SDK1: variants seen among roughly 807,000 people sequenced by gnomAD.
The protein encoded by SDK1 is sidekick cell adhesion molecule 1.
In SDK1, 157 loss-of-function variants were observed where a neutral mutation model predicts 245.5. The observed-to-expected ratio is 0.64, with a 90% CI of 0.56 to 0.73. The LOEUF (loss-of-function observed/expected upper bound fraction) is 0.73. Ranked by LOEUF, SDK1 falls within the 30% of genes least tolerant of loss-of-function variation. The probability of loss-of-function intolerance (pLI) is 0.00; values close to 1 mark genes in which losing one functional copy is unlikely to be tolerated. For missense variants in SDK1, 3,583 were observed against 3,002.3 expected (o/e 1.19, Z -4.52); for synonymous variants, 1,647 against 1,278.5 (o/e 1.29, Z -6.15).
chr7:4,205,988 C>A lies in SDK1; in HGVS notation c.5208C>A (p.Gly1736=). Residue 1736 remains glycine, a synonymous_variant, in exon 36 of 45, where the codon GGC becomes GGA. Coordinates refer to ENST00000404826, the MANE Select transcript of SDK1 (RefSeq NM_152744.4). ...PPESQNGNIQ[G]YKIYYWEADS... Reference sequence around the variant, plus strand: ...AGAGCCAGAATGGGAACATCCAAGGCTACAAGGCAAGGCCCTCCCGTGCGG... The same window carrying A: ...AGAGCCAGAATGGGAACATCCAAGGATACAAGGCAAGGCCCTCCCGTGCGG... 1 of 1,544,084 alleles carries A rather than the reference C, an allele frequency of 6.5e-7. No individual in the cohort carries two copies. Among genetic ancestry groups the A allele is most frequent in the South Asian group, 1.2e-5 (1 of 82,430 alleles).
intron 1 of SDK1, among the ~76,000 whole-genome samples, chr7:3,418,917 A>G (rs1028964831): frequency 7.2e-5 from 11 of 152,194 alleles, no homozygotes; most frequent in Non-Finnish European, 2.9e-5. Flanking sequence ...GTATATGTAA[A>G]AAGAGGGTAT....
rs114855817 is a variant in SDK1, at chr7:3,979,331, G to C, written c.1994+4786G>C. 1.9e-3 allele frequency among the ~76,000 whole-genome samples: 290 copies of C among 152,264 alleles called. 2 individuals carry two copies. The highest frequency in any genetic ancestry group is 6.8e-3 in the African/African-American group (282 of 41,546). On this transcript the variant is annotated intron_variant, in intron 13 of 44. Transcript: ENST00000404826. ...TCTTACCATCTTATACTAGAATGCT[G>C]TTCCCCCCTTTCCTAACAGCACCCT...
chr7:4,007,157 G>A (rs1221764606), intron 14 of SDK1, among the ~76,000 whole-genome samples: 1 of 152,242 alleles, frequency 6.6e-6, no homozygotes, highest in African/African-American at 2.4e-5. Flanking sequence ...TGAGGGAAAA[G>A]ATGGCGTTCC....
intron 7 of SDK1, among the ~76,000 whole-genome samples, chr7:3,954,186 C>T (rs960229776): frequency 6.6e-6 from 1 of 151,062 alleles, no homozygotes; most frequent in Non-Finnish European, 1.5e-5. Context: ...TTCCAGGCAC[C>T]ACCCCGCCAC....
At chr7:3,505,331 CA>C (rs1782359835) in intron 1 of SDK1, among the ~76,000 whole-genome samples, 1 of 152,128 alleles carries the variant, frequency 6.6e-6, no homozygotes, top group Non-Finnish European at 1.5e-5. Flanking sequence ...ACTGCAGCCT[CA>C]AACCCCTTGG....
At chr7:3,658,385 C>T (rs1416436418) in intron 4 of SDK1, among the ~76,000 whole-genome samples, 1 of 152,002 alleles carries the variant, frequency 6.6e-6, no homozygotes, top group African/African-American at 2.4e-5. Flanking sequence ...GTGCTAGGCT[C>T]TGCGGATAAA....
intron 21 of SDK1, 55 bp downstream of exon 21, chr7:4,077,244 G>A (rs936277400): frequency 1.2e-5 from 19 of 1,538,254 alleles, no homozygotes; most frequent in African/African-American, 5.4e-5. Flanking sequence ...GGAGATTCCC[G>A]AGGCTAGAAG....
chr7:3,431,409 AT>A (rs1489698221), intron 1 of SDK1, among the ~76,000 whole-genome samples: 7 of 148,726 alleles, frequency 4.7e-5, no homozygotes, highest in Non-Finnish European at 8.9e-5. Flanking sequence ...CTTAGCCAGA[AT>A]CCTAATAGCC....
chr7:4,107,761 C>G (rs1456947722), intron 22 of SDK1, among the ~76,000 whole-genome samples: 1 of 152,206 alleles, frequency 6.6e-6, no homozygotes, highest in Non-Finnish European at 1.5e-5. Context: ...GAGACATTGC[C>G]CAGGCAGCCG....
chr7:4,159,315 G>T (rs1322209229), intron 31 of SDK1, among the ~76,000 whole-genome samples: 1 of 152,218 alleles, frequency 6.6e-6, no homozygotes, highest in Non-Finnish European at 1.5e-5. Flanking sequence ...ACCTGGAAGT[G>T]TGGTTTCTCC....
In SDK1 at chr7:3,651,242, G is replaced by C. The variant is rs1783006198; in HGVS notation, c.713+9137G>C. Among the ~76,000 whole-genome samples, 4 of 151,082 alleles carry C rather than the reference G, an allele frequency of 2.6e-5. No individual in the cohort carries two copies. In the South Asian group the frequency reaches 8.4e-4, roughly 32 times the overall value. On this transcript the variant is annotated intron_variant, in intron 4 of 44. Transcript: ENST00000404826. Reference sequence around the variant, plus strand: ...TTTCCCTGCTTCCTCACTAGCATTTGGTGTTGTCATGATTTTTTATTTTAG... The same window carrying C: ...TTTCCCTGCTTCCTCACTAGCATTTCGTGTTGTCATGATTTTTTATTTTAG...
chr7:3,329,332 T>C (rs1020644184), intron 1 of SDK1, among the ~76,000 whole-genome samples: 1 of 152,150 alleles, frequency 6.6e-6, no homozygotes, highest in Non-Finnish European at 1.5e-5. Flanking sequence ...GGAAACAAGC[T>C]CCTTTTTCAC....
chr7:3,385,071 C>G (rs1233219845), intron 1 of SDK1, among the ~76,000 whole-genome samples: 2 of 152,066 alleles, frequency 1.3e-5, no homozygotes, highest in African/African-American at 4.8e-5. Flanking sequence ...AGTACTGTTT[C>G]AATATTAAGT....
At chr7:3,679,186 T>C (rs1742691134) in intron 4 of SDK1, among the ~76,000 whole-genome samples, 1 of 152,222 alleles carries the variant, frequency 6.6e-6, no homozygotes, top group Admixed American at 6.5e-5. Context: ...GGGGAAAATA[T>C]TTGCCAGCCA....
At chr7:3,805,931 C>G (rs1779230676) in intron 4 of SDK1, among the ~76,000 whole-genome samples, 1 of 152,160 alleles carries the variant, frequency 6.6e-6, no homozygotes, top group African/African-American at 2.4e-5. Flanking sequence ...TTTGCCCCCT[C>G]TTCTTCCTTT....
chr7:4,045,074 T>C (rs1368501288), intron 17 of SDK1, among the ~76,000 whole-genome samples: 1 of 152,178 alleles, frequency 6.6e-6, no homozygotes, highest in South Asian at 2.1e-4. Flanking sequence ...GCATTTGAGA[T>C]TCACCTGTGC....
At position 3,723,863 on chromosome 7, in the gene SDK1, CGT is replaced by C. The variant is rs1244679719; in HGVS notation, c.713+81761_713+81762del. ...ATATACACGTACATATACATATACA[CGT>C]GTATATACACGTACATATATATATA... On this transcript the variant is annotated intron_variant, in intron 4 of 44. Coordinates refer to ENST00000404826, the MANE Select transcript of SDK1 (RefSeq NM_152744.4). Among the ~76,000 whole-genome samples the C allele has an allele frequency of 7.8e-3, 1,037 of 132,602 alleles. 42 individuals are homozygous for C. Among genetic ancestry groups the C allele is most frequent in the African/African-American group, 0.031 (981 of 32,020 alleles). The allele number at this position is 132,602 out of a possible 152,430, so 87.0% of individuals were successfully genotyped here.
rs897456870 is a variant in SDK1, at chr7:3,546,086, C to T, written c.299-72994C>T. ...CGTTGGGATGCAAAACAGTGGTTCT[C>T]AAGCTTCAGAGTGCCTCAGGGTTGC... On this transcript the variant is annotated intron_variant, in intron 1 of 44. Transcript: ENST00000404826. Among the ~76,000 whole-genome samples, 6 of 152,192 alleles carry T rather than the reference C, an allele frequency of 3.9e-5. No individual in the cohort carries two copies. In the South Asian group the frequency reaches 8.3e-4, roughly 21 times the overall value.
intron 35 of SDK1, among the ~76,000 whole-genome samples, chr7:4,202,382 A>G (rs1055310257): frequency 6.6e-6 from 1 of 152,152 alleles, no homozygotes; most frequent in Non-Finnish European, 1.5e-5. Context: ...CTCTTCTGCT[A>G]CCTGCCATTT....
Sources: gnomAD v4.1 joint callset for allele counts (sites outside exome capture counted in the v4.1 genomes callset) on GRCh38, gnomAD v4.1.1 for gene constraint, MANE v1.5 for transcripts, NCBI Gene and HGNC (gene_info 2026-07-23, HGNC 2026-07-21) for gene names.